ANGEL2: variants seen among roughly 807,000 people sequenced by gnomAD.
ANGEL2 encodes the protein RNA 2',3'-cyclic phosphatase ANGEL2.
ANGEL2 carries 41 observed loss-of-function variants against 66.0 expected under a neutral mutation model. That is an observed-to-expected ratio of 0.62 (90% CI 0.48 to 0.81). The LOEUF is 0.81. Ranked by LOEUF, ANGEL2 falls within the 30% of genes least tolerant of loss-of-function variation. The pLI is 0.00. For synonymous variants in ANGEL2, 208 were observed against 226.5 expected, an observed-to-expected ratio of 0.92 and a Z score of 0.73; for missense variants, 561 against 641.6, an observed-to-expected ratio of 0.87 and a Z score of 1.36.
rs764620371 is a variant in ANGEL2, at chr1:213,008,478, T to C, written c.386-12A>G. 1 of 1,608,540 alleles carries C rather than the reference T, an allele frequency of 6.2e-7. No individual in the cohort carries two copies. The highest frequency in any genetic ancestry group is 8.5e-7 in the Non-Finnish European group (1 of 1,177,280). On this transcript the variant is annotated splice_polypyrimidine_tract_variant and intron_variant, in intron 2 of 8. Coordinates refer to ENST00000366962, the MANE Select transcript of ANGEL2 (RefSeq NM_144567.5). ...CCGCTTTATCACACCTGTTAAAATA[T>C]ATTGCACAAATATAAGGAATTAATC...
rs2075886859 is a variant in ANGEL2, at chr1:212,992,657, A to G, written c.*2384T>C. Reference sequence around the variant, plus strand: ...AATACTTCATTTGATAAGCTAAAGTAAAGAGCAATTTTATGGATTAACTCT... The same window carrying G: ...AATACTTCATTTGATAAGCTAAAGTGAAGAGCAATTTTATGGATTAACTCT... On this transcript the variant is annotated 3_prime_UTR_variant, in exon 9 of 9. Coordinates refer to ENST00000366962, the MANE Select transcript of ANGEL2 (RefSeq NM_144567.5). The G allele has an allele frequency of 6.6e-6, 1 of 152,242 alleles. No homozygotes were observed. The highest frequency in any genetic ancestry group is 2.4e-5 in the African/African-American group (1 of 41,460). The allele number at this position is 152,242 out of a possible 1,614,324, so 9.4% of individuals were successfully genotyped here. A position where few individuals can be genotyped will look rare whatever the true frequency, so the allele number is the denominator to read the frequency against.
Position 213,008,278 on chromosome 1 carries a change from G to A in ANGEL2, c.574C>T (p.Arg192Trp), listed in dbSNP as rs200892110. The stretch of plus-strand genomic sequence containing the variant: ...CTAAAACTCCAGTGTAATACTGGCC[G>A]CCGGCAATGTCTATAAAGGTGAGAG... The part of the protein sequence containing the change: ...DNSHLYRHCR[R>W]PVLHWSFRFP... Residue 192 changes from arginine to tryptophan, a missense_variant, in exon 3 of 9, where the codon CGG becomes TGG. Physicochemically the swap from Arg to Trp is moderately radical, Grantham distance 101. Transcript: ENST00000366962. The A allele has an allele frequency of 1.4e-5, 23 of 1,613,784 alleles. No individual in the cohort carries two copies. The highest frequency in any genetic ancestry group is 6.7e-5 in the Admixed American group (4 of 60,020).
chr1:213,001,643 T>C (rs1031392288), intron 5 of ANGEL2: 7 of 152,272 alleles, frequency 4.6e-5, no homozygotes, highest in Admixed American at 1.3e-4. Context: ...TAGCATCTGA[T>C]GCTATTTGAC....
chr1:213,005,531 G>C (rs2076301318), intron 4 of ANGEL2, 77 bp from the exon 5 acceptor site: 1 of 1,374,876 alleles, frequency 7.3e-7, no homozygotes, highest in Admixed American at 2.3e-5. Flanking sequence ...TGATACTTCT[G>C]AACAATGTTT....
chr1:212,996,199 C>G (rs891356049), intron 8 of ANGEL2, among the ~76,000 whole-genome samples: 1 of 151,956 alleles, frequency 6.6e-6, no homozygotes, highest in Non-Finnish European at 1.5e-5. Context: ...CCCAGTGGCT[C>G]GGGAGGCTGA....
chr1:213,011,722 A>T (rs1193543713), intron 2 of ANGEL2, among the ~76,000 whole-genome samples: 1 of 152,182 alleles, frequency 6.6e-6, no homozygotes, highest in Non-Finnish European at 1.5e-5. Context: ...TGGGGCAGAA[A>T]AGAAAGCAGG....
rs993355958 is a variant in ANGEL2, at chr1:213,007,859, T to C, written c.642+351A>G. Among the ~76,000 whole-genome samples, 4 of 145,852 alleles carry C rather than the reference T, an allele frequency of 2.7e-5. No homozygotes were observed. The East Asian group carries it at 6.2e-4, about 23-fold the overall frequency. The stretch of plus-strand genomic sequence containing the variant: ...TGAAACATTTAACCCAACTTTTTCT[T>C]TCTTTCTTTTTTTTTTTTTTTGAGG... On this transcript the variant is annotated intron_variant, in intron 3 of 8. Transcript: ENST00000366962.
Position 213,013,230 on chromosome 1 carries a change from A to C in ANGEL2, c.248T>G (p.Leu83Trp), listed in dbSNP as rs769502679. Residue 83 changes from leucine (L) to tryptophan (W), a missense_variant, in exon 2 of 9, where the codon TTG becomes TGG. By Grantham distance (61) the Leu-to-Trp change is moderately conservative. Transcript: ENST00000366962. The stretch of plus-strand genomic sequence containing the variant: ...CTGGAACTGAGTTCTAGACTCAAAC[A>C]AACAGGGTGGTCTCCAATTTAGTGA... ...HFSLNWRPPC[L>W]FESRTQFQYC... 7.4e-6 allele frequency: 12 copies of C among 1,614,204 alleles called. No individual in the cohort carries two copies. Among genetic ancestry groups the C allele is most frequent in the Admixed American group, 3.3e-5 (2 of 60,024 alleles).
At chr1:213,007,750 T>G (rs2076376282) in intron 3 of ANGEL2, among the ~76,000 whole-genome samples, 1 of 152,208 alleles carries the variant, frequency 6.6e-6, no homozygotes, top group Non-Finnish European at 1.5e-5. Context: ...TTATTAAGAC[T>G]TATTCCATCA....
intron 5 of ANGEL2, chr1:213,001,137 TTTTC>T (rs2148145315): frequency 4.2e-6 from 2 of 472,762 alleles, no homozygotes; most frequent in South Asian, 2.6e-5. Flanking sequence ...CCATACATGC[TTTTC>T]TTTAATTTGG....
At chr1:213,008,125 A>C (rs2076391613) in intron 3 of ANGEL2, 85 bp downstream of exon 3, 3 of 1,453,206 alleles carry the variant, frequency 2.1e-6, no homozygotes, top group Non-Finnish European at 1.9e-6. Context: ...CAGCCTCCCA[A>C]AGTGCTGGGA....
intron 2 of ANGEL2, chr1:213,011,435 G>C: frequency 3.5e-6 from 4 of 1,128,096 alleles, no homozygotes; most frequent in Non-Finnish European, 3.3e-6. Context: ...GCTTAACGAA[G>C]AGCATTTTCC....
rs549840419 is a variant in ANGEL2, at chr1:213,015,320, G to C, written c.59+293C>G. ...AGCGCTGGTCTGGAGGCTGGGTTGG[G>C]GGAAGCAGGCCAGGGATCCAAAGCC... is the stretch of plus-strand genomic sequence containing the variant. On this transcript the variant is annotated intron_variant, in intron 1 of 8. Coordinates refer to ENST00000366962, the MANE Select transcript of ANGEL2 (RefSeq NM_144567.5). 1,453 of 1,338,086 alleles carry C rather than the reference G, an allele frequency of 1.1e-3. 13 individuals are homozygous for C. The African/African-American group carries it at 0.02, about 18-fold the overall frequency. 82.9% of individuals were successfully genotyped at this position (1,338,086 alleles called of 1,614,324 possible). A position where few individuals can be genotyped will look rare whatever the true frequency, so the allele number is the denominator to read the frequency against.
intron 2 of ANGEL2, 109 bp from the exon 3 acceptor site, chr1:213,008,575 A>C: frequency 7.7e-7 from 1 of 1,290,920 alleles, no homozygotes; most frequent in South Asian, 1.5e-5. Flanking sequence ...AGCAATGAAT[A>C]GAATGTTTTT....
At chr1:213,013,553 A>G (rs2148182718) in intron 1 of ANGEL2, 135 bp from the exon 2 acceptor site, 1 of 808,346 alleles carries the variant, frequency 1.2e-6, no homozygotes, top group Non-Finnish European at 1.9e-6. Context: ...AAGGATGAAG[A>G]GGAAAGCACC....
Position 212,994,074 on chromosome 1 carries a change from G to C in ANGEL2, c.*967C>G, listed in dbSNP as rs2075929914. ...AGGTGGGCGGATCACCTGAGGTTGG[G>C]AGTTCGAGACCAGCCTAACCAACAT... On this transcript the variant is annotated 3_prime_UTR_variant, in exon 9 of 9. Transcript: ENST00000366962. The C allele has an allele frequency of 6.6e-6, 1 of 152,196 alleles. No homozygotes were observed. The highest frequency in any genetic ancestry group is 2.4e-5 in the African/African-American group (1 of 41,448). 9.4% of individuals were successfully genotyped at this position (152,196 alleles called of 1,614,324 possible).
chr1:212,998,987 A>G (rs1558171484), intron 7 of ANGEL2, among the ~76,000 whole-genome samples: 1 of 151,522 alleles, frequency 6.6e-6, no homozygotes, highest in Non-Finnish European at 1.5e-5. Flanking sequence ...TTCAAGCAAT[A>G]CTCTGCCTCA....
chr1:213,005,132 A>G lies in ANGEL2; in HGVS notation c.1035T>C (p.Pro345=), dbSNP rs35494356. Residue 345 remains proline, a synonymous_variant, in exon 5 of 9, where the codon CCT becomes CCC. Coordinates refer to ENST00000366962, the MANE Select transcript of ANGEL2 (RefSeq NM_144567.5). ...VAHQKDGSFC[P]IVMCGDFNSV... ...AATTAAAGTCACCACACATAACAAT[A>G]GGGCAGAAGCTGCCATCTTTCTGGT... 2,053 of 1,614,156 alleles carry G rather than the reference A, an allele frequency of 1.3e-3. 20 individuals are homozygous for G. In the African/African-American group the frequency reaches 0.021, roughly 17 times the overall value.
chr1:213,004,133 C>CA (rs2148153081), intron 5 of ANGEL2, among the ~76,000 whole-genome samples: 1 of 150,906 alleles, frequency 6.6e-6, no homozygotes, highest in South Asian at 2.1e-4. Flanking sequence ...ACCTGGGAGA[C>CA]AGAGGATGCA....
Sources: gnomAD v4.1 joint callset for allele counts (sites outside exome capture counted in the v4.1 genomes callset) on GRCh38, gnomAD v4.1.1 for gene constraint, MANE v1.5 for transcripts, NCBI Gene and HGNC (gene_info 2026-07-23, HGNC 2026-07-21) for gene names.